RSRC1: variants seen among roughly 807,000 people sequenced by gnomAD.
The protein encoded by RSRC1 is serine/Arginine-related protein 53.
A neutral mutation model predicts 49.1 loss-of-function variants in RSRC1; 39 were observed. The observed-to-expected ratio is 0.79, with a 90% CI of 0.61 to 1.04. The LOEUF is 1.04. RSRC1 is among the 50% of genes least tolerant of loss of function. The pLI is 0.00. For synonymous variants in RSRC1, 143 were observed against 130.8 expected, an observed-to-expected ratio of 1.09 and a Z score of -0.63; for missense variants, 388 against 402.4, an observed-to-expected ratio of 0.96 and a Z score of 0.31.
At chr3:158,228,805 A>G (rs1722670780) in intron 4 of RSRC1, among the ~76,000 whole-genome samples, 2 of 151,590 alleles carry the variant, frequency 1.3e-5, no homozygotes, top group Non-Finnish European at 3.0e-5. Flanking sequence ...GTGTGTATAT[A>G]TGTCTATGAT....
chr3:158,119,588 A>G lies in RSRC1; in HGVS notation c.-2-2515A>G, dbSNP rs375321208. ...AAATTATTATCATTCAATTGTGTAC[A>G]TATTTCTTAACATGGATATAAGTAT... On this transcript the variant is annotated intron_variant, in intron 1 of 9. Transcript: ENST00000611884. Among the ~76,000 whole-genome samples the G allele has an allele frequency of 7.9e-5, 12 of 152,068 alleles. No individual in the cohort carries two copies. In the East Asian group the frequency reaches 2.3e-3, roughly 29 times the overall value.
intron 6 of RSRC1, among the ~76,000 whole-genome samples, chr3:158,423,447 G>C (rs552434476): frequency 2.0e-5 from 3 of 152,114 alleles, no homozygotes; most frequent in Admixed American, 2.0e-4. Flanking sequence ...TCTCTGTTTT[G>C]GTACCAGTAC....
At chr3:158,493,112 C>T (rs1461530236) in intron 7 of RSRC1, among the ~76,000 whole-genome samples, 1 of 152,090 alleles carries the variant, frequency 6.6e-6, no homozygotes, top group Non-Finnish European at 1.5e-5. Flanking sequence ...AGTAGGGTCA[C>T]AGAATTGGAG....
intron 7 of RSRC1, among the ~76,000 whole-genome samples, chr3:158,516,840 G>A (rs996272383): frequency 1.3e-5 from 2 of 152,204 alleles, no homozygotes; most frequent in African/African-American, 2.4e-5. Flanking sequence ...CGGTATTCAG[G>A]TGGGAGTGAC....
intron 6 of RSRC1, among the ~76,000 whole-genome samples, chr3:158,370,184 T>C (rs1172342388): frequency 6.6e-6 from 1 of 151,968 alleles, no homozygotes; most frequent in African/African-American, 2.4e-5. Flanking sequence ...TTTAGGGTTA[T>C]GAAAAAATTG....
At chr3:158,356,536 T>C (rs1731169727) in intron 6 of RSRC1, among the ~76,000 whole-genome samples, 1 of 147,848 alleles carries the variant, frequency 6.8e-6, no homozygotes, top group South Asian at 2.1e-4. Context: ...ATTCATAGTT[T>C]ATGTTTTTAT....
At chr3:158,372,555 A>G (rs1732140109) in intron 6 of RSRC1, among the ~76,000 whole-genome samples, 1 of 151,914 alleles carries the variant, frequency 6.6e-6, no homozygotes, top group Non-Finnish European at 1.5e-5. Context: ...GTAGTGCTGT[A>G]TGGAGTCTGG....
At chr3:158,354,507 C>G (rs1223697161) in intron 5 of RSRC1, among the ~76,000 whole-genome samples, 1 of 152,160 alleles carries the variant, frequency 6.6e-6, no homozygotes, top group African/African-American at 2.4e-5. Context: ...TTTAAATTCT[C>G]ATAGATTGCT....
At chr3:158,492,512 C>G (rs1739127228) in intron 7 of RSRC1, among the ~76,000 whole-genome samples, 1 of 152,102 alleles carries the variant, frequency 6.6e-6, no homozygotes. Flanking sequence ...GGAAATTGTT[C>G]TAAACATCTT....
intron 4 of RSRC1, among the ~76,000 whole-genome samples, chr3:158,278,053 A>C (rs976884370): frequency 6.6e-6 from 1 of 152,174 alleles, no homozygotes; most frequent in Admixed American, 6.5e-5. Context: ...ATTGATCCCT[A>C]ATGTGAAACA....
At chr3:158,239,195 A>G (rs866614883) in intron 4 of RSRC1, among the ~76,000 whole-genome samples, 2 of 152,186 alleles carry the variant, frequency 1.3e-5, no homozygotes, top group Non-Finnish European at 2.9e-5. Flanking sequence ...GGCAATCATT[A>G]AAAAGTCAGG....
chr3:158,306,510 C>G (rs1727848852), intron 5 of RSRC1, among the ~76,000 whole-genome samples: 1 of 151,814 alleles, frequency 6.6e-6, no homozygotes, highest in South Asian at 2.1e-4. Flanking sequence ...ACAGATTCAA[C>G]TTTATTTTTA....
intron 7 of RSRC1, among the ~76,000 whole-genome samples, chr3:158,534,982 T>C (rs1712637593): frequency 6.6e-6 from 1 of 151,462 alleles, no homozygotes; most frequent in South Asian, 2.1e-4. Context: ...AGGGACATTC[T>C]AGACTTGTGA....
intron 4 of RSRC1, among the ~76,000 whole-genome samples, chr3:158,283,287 A>AT (rs1300177075): frequency 6.6e-6 from 1 of 151,662 alleles, no homozygotes; most frequent in Non-Finnish European, 1.5e-5. Flanking sequence ...TGCTGTGAGG[A>AT]TTTTTTTAAA....
At chr3:158,331,730 A>AT (rs1174068947) in intron 5 of RSRC1, among the ~76,000 whole-genome samples, 1 of 151,380 alleles carries the variant, frequency 6.6e-6, no homozygotes, top group Non-Finnish European at 1.5e-5. Flanking sequence ...TTATTGGAAT[A>AT]TTTTTTTCCT....
At chr3:158,237,857 T>A (rs1196886928) in intron 4 of RSRC1, among the ~76,000 whole-genome samples, 2 of 152,192 alleles carry the variant, frequency 1.3e-5, no homozygotes, top group Non-Finnish European at 2.9e-5. Flanking sequence ...ATAGGAGTCG[T>A]GAGAGAGGGC....
intron 6 of RSRC1, among the ~76,000 whole-genome samples, chr3:158,367,898 T>G (rs1731863256): frequency 6.6e-6 from 1 of 152,172 alleles, no homozygotes; most frequent in South Asian, 2.1e-4. Flanking sequence ...TAGCTTTTTG[T>G]TAATCCAAAA....
intron 6 of RSRC1, among the ~76,000 whole-genome samples, chr3:158,455,641 A>C (rs1183025274): frequency 6.6e-6 from 1 of 152,096 alleles, no homozygotes; most frequent in Non-Finnish European, 1.5e-5. Context: ...ATCCAAGTGA[A>C]ACAGCCATGG....
chr3:158,252,335 G>A (rs919064508), intron 4 of RSRC1, among the ~76,000 whole-genome samples: 6 of 116,064 alleles, frequency 5.2e-5, no homozygotes, highest in Non-Finnish European at 1.1e-4. Flanking sequence ...CTAATTTTTT[G>A]TATTTTTTTT....
Sources: allele counts gnomAD v4.1 joint callset (sites outside exome capture counted in the v4.1 genomes callset), GRCh38; gene constraint gnomAD v4.1.1; transcripts MANE v1.5; gene names NCBI Gene and HGNC (gene_info 2026-07-23, HGNC 2026-07-21).